CRYBG1: variants seen among roughly 807,000 people sequenced by gnomAD.
The protein encoded by CRYBG1 is beta/gamma crystallin domain-containing protein 1.
A neutral mutation model predicts 189.2 loss-of-function variants in CRYBG1; 139 were observed. That is an observed-to-expected ratio of 0.73 (90% CI 0.64 to 0.85). The LOEUF is 0.85. CRYBG1 is among the 40% of genes least tolerant of loss of function. CRYBG1 has a pLI of 0.00. For missense variants in CRYBG1, 2,611 were observed against 2,675.8 expected, an observed-to-expected ratio of 0.98 and a Z score of 0.53; for synonymous variants, 1,023 against 1,017.1, an observed-to-expected ratio of 1.01 and a Z score of -0.11.
chr6:106,420,556 A>G (rs1379773555), intron 1 of CRYBG1: 4 of 152,210 alleles, frequency 2.6e-5, no homozygotes, highest in Non-Finnish European at 4.4e-5. Context: ...TCAGTTCCCA[A>G]GCTTAACTTC....
At chr6:106,398,280 C>T (rs1174551677) in intron 1 of CRYBG1, among the ~76,000 whole-genome samples, 1 of 151,826 alleles carries the variant, frequency 6.6e-6, no homozygotes, top group East Asian at 1.9e-4. Flanking sequence ...ATTAGGAGTC[C>T]AAGGTGGGAG....
chr6:106,540,064 G>C (rs1180452104), intron 9 of CRYBG1, among the ~76,000 whole-genome samples: 1 of 152,192 alleles, frequency 6.6e-6, no homozygotes, highest in South Asian at 2.1e-4. Flanking sequence ...TGACACGAGT[G>C]GGTGGTGTCT....
At chr6:106,375,807 T>C (rs1770151538) in intron 1 of CRYBG1, among the ~76,000 whole-genome samples, 1 of 152,202 alleles carries the variant, frequency 6.6e-6, no homozygotes, top group Non-Finnish European at 1.5e-5. Flanking sequence ...TGGGTGTACA[T>C]ACCAAGATCC....
At position 106,557,729 on chromosome 6, in the gene CRYBG1, G is replaced by A. The variant is rs181332638; in HGVS notation, c.5716-757G>A. ...ATGACAGGCGTAAGCCACCATGCCC[G>A]GCCTCCCACATGCTTTTTAATGCAT... On this transcript the variant is annotated intron_variant, in intron 17 of 21. Transcript: ENST00000633556. Among the ~76,000 whole-genome samples the A allele has an allele frequency of 4.4e-4, 67 of 152,194 alleles. 1 individual carries two copies. Among genetic ancestry groups the A allele is most frequent in the African/African-American group, 8.9e-4 (37 of 41,528 alleles).
intron 21 of CRYBG1, among the ~76,000 whole-genome samples, chr6:106,565,765 T>C (rs1041531091): frequency 3.9e-5 from 6 of 152,230 alleles, no homozygotes; most frequent in Non-Finnish European, 8.8e-5. Flanking sequence ...TTTGTCAATA[T>C]GTAGACAGGT....
At chr6:106,485,327 T>C (rs1772574433) in intron 2 of CRYBG1, among the ~76,000 whole-genome samples, 1 of 152,240 alleles carries the variant, frequency 6.6e-6, no homozygotes, top group South Asian at 2.1e-4. Flanking sequence ...ATAGAAATGC[T>C]ACTGATTTTT....
At chr6:106,491,044 CAA>C (rs1160640453) in intron 2 of CRYBG1, among the ~76,000 whole-genome samples, 1 of 152,200 alleles carries the variant, frequency 6.6e-6, no homozygotes, top group Non-Finnish European at 1.5e-5. Flanking sequence ...TGTTTAAAAA[CAA>C]AACTACAGGC....
chr6:106,519,734 G>C lies in CRYBG1; in HGVS notation c.2526G>C (p.Val842=). Reference sequence around the variant, plus strand: ...CAGCACAAGACATCCCCACCACTGTGGATACCAAAGATTTACCTCCAACGG... The same window carrying C: ...CAGCACAAGACATCCCCACCACTGTCGATACCAAAGATTTACCTCCAACGG... ...TDTAQDIPTT[V]DTKDLPPTAM... The change falls in exon 4 of 22, where the codon GTG becomes GTC. Residue 842 remains valine, a synonymous_variant. Transcript: ENST00000633556. The C allele has an allele frequency of 1.2e-6, 2 of 1,614,132 alleles. No individual in the cohort carries two copies. The highest frequency in any genetic ancestry group is 1.7e-6 in the Non-Finnish European group (2 of 1,180,032).
At chr6:106,515,246 T>C (rs1434399740) in intron 3 of CRYBG1, among the ~76,000 whole-genome samples, 1 of 152,232 alleles carries the variant, frequency 6.6e-6, no homozygotes, top group Non-Finnish European at 1.5e-5. Flanking sequence ...TATTTTCCCC[T>C]GTCTCATAAT....
At position 106,511,888 on chromosome 6, in the gene CRYBG1, C is replaced by T. The variant is rs1396791985; in HGVS notation, c.771C>T (p.Ser257=). Residue 257 remains serine, a synonymous_variant, in exon 3 of 22, where the codon TCC becomes TCT. Coordinates refer to ENST00000633556, the MANE Select transcript of CRYBG1 (RefSeq NM_001371242.2). ...CCACCACTGCCAAGCAGCTGCATTC[C>T]TCGCCGGGAAATTCCTCCAGGCAAG... ...DATTTAKQLH[S]SPGNSSRQEN... The T allele has an allele frequency of 6.6e-7, 1 of 1,521,202 alleles. No individual in the cohort carries two copies. Among genetic ancestry groups the T allele is most frequent in the South Asian group, 1.2e-5 (1 of 82,734 alleles). 94.2% of individuals were successfully genotyped at this position (1,521,202 alleles called of 1,614,324 possible).
At chr6:106,450,867 G>A (rs1275445304) in intron 1 of CRYBG1, among the ~76,000 whole-genome samples, 1 of 152,170 alleles carries the variant, frequency 6.6e-6, no homozygotes, top group African/African-American at 2.4e-5. Context: ...AGAGAAGCAG[G>A]GCAAAGTATG....
At position 106,511,611 on chromosome 6, in the gene CRYBG1, G is replaced by A. The variant is rs1773257793; in HGVS notation, c.494G>A (p.Ser165Asn). 1 of 1,535,702 alleles carries A rather than the reference G, an allele frequency of 6.5e-7. No individual in the cohort carries two copies. Residue 165 changes from serine to asparagine, a missense_variant, in exon 3 of 22, where the codon AGT becomes AAT. Coordinates refer to ENST00000633556, the MANE Select transcript of CRYBG1 (RefSeq NM_001371242.2). Reference sequence around the variant, plus strand: ...TCTCCTAAGCTCCCAGAGAGAGAGAGTGAGAGGAGCAGATCTCAGAGCAGC... The same window carrying A: ...TCTCCTAAGCTCCCAGAGAGAGAGAATGAGAGGAGCAGATCTCAGAGCAGC... Reference protein sequence around the residue: ...VASPKLPERESERSRSQSSQL... With the variant: ...VASPKLPERENERSRSQSSQL...
chr6:106,469,270 A>G (rs1772179991), intron 2 of CRYBG1, among the ~76,000 whole-genome samples: 1 of 152,236 alleles, frequency 6.6e-6, no homozygotes, highest in Admixed American at 6.5e-5. Context: ...TCACCTCTGT[A>G]GAAAAGCCAC....
chr6:106,463,861 T>C (rs1019417662), intron 2 of CRYBG1, among the ~76,000 whole-genome samples: 5 of 152,248 alleles, frequency 3.3e-5, no homozygotes, highest in African/African-American at 1.2e-4. Context: ...AAATACCAGC[T>C]ACAGAGAGGC....
chr6:106,423,251 G>GTTT lies in CRYBG1; in HGVS notation c.174-28422_174-28420dup, dbSNP rs5878887. Among the ~76,000 whole-genome samples the GTTT allele has an allele frequency of 8.8e-3, 711 of 80,812 alleles. 14 individuals are homozygous for GTTT. The highest frequency in any genetic ancestry group is 9.2e-3 in the Non-Finnish European group (396 of 43,138). 53.0% of individuals were successfully genotyped at this position (80,812 alleles called of 152,430 possible). On this transcript the variant is annotated intron_variant, in intron 1 of 21. Transcript: ENST00000633556. The stretch of plus-strand genomic sequence containing the variant: ...TCAAAGTAAGTGCTAGAGTTGGCTG[G>GTTT]TTTTTTTTTTTTTTTTTTTTTTTCG...
Position 106,520,785 on chromosome 6 carries a change from T to A in CRYBG1, c.3577T>A (p.Ser1193Thr), listed in dbSNP as rs1262305748. ...ATCCAAACTGAGACCCAAACGTGCA[T>A]CTGCTGAACAGAGCGTCCTCTTCAA... Reference protein sequence around the residue: ...TKSKLRPKRASAEQSVLFKSL... With the variant: ...TKSKLRPKRATAEQSVLFKSL... Residue 1193 changes from serine to threonine, a missense_variant, in exon 4 of 22, where the codon TCT (serine) becomes ACT (threonine). By Grantham distance (58) the Ser-to-Thr change is moderately conservative. Coordinates refer to ENST00000633556, the MANE Select transcript of CRYBG1 (RefSeq NM_001371242.2). The A allele has an allele frequency of 1.2e-6, 2 of 1,614,154 alleles. No homozygotes were observed. The highest frequency in any genetic ancestry group is 1.7e-6 in the Non-Finnish European group (2 of 1,180,012).
chr6:106,395,020 A>G lies in CRYBG1; in HGVS notation c.173+33939A>G, dbSNP rs150003806. On this transcript the variant is annotated intron_variant, in intron 1 of 21. Transcript: ENST00000633556. The stretch of plus-strand genomic sequence containing the variant: ...ACAGGCATAAGCCACCACACCTGGA[A>G]ATGTATATATATATATTTTATAAAA... 8.6e-5 allele frequency among the ~76,000 whole-genome samples: 13 copies of G among 151,512 alleles called. 1 individual carries two copies. The East Asian group carries it at 2.5e-3, about 29-fold the overall frequency.
In CRYBG1 at chr6:106,511,908, G is replaced by C. The variant is rs1231161372; in HGVS notation, c.791G>C (p.Arg264Thr). The C allele has an allele frequency of 6.6e-7, 1 of 1,524,760 alleles. No individual in the cohort carries two copies. Among genetic ancestry groups the C allele is most frequent in the East Asian group, 2.5e-5 (1 of 40,720 alleles). The allele number at this position is 1,524,760 out of a possible 1,614,324, so 94.5% of individuals were successfully genotyped here. A position where few individuals can be genotyped will look rare whatever the true frequency, so the allele number is the denominator to read the frequency against. ...CATTCCTCGCCGGGAAATTCCTCCAGGCAAGAGAACGCAGAGACGCCCGCC... is the reference window on the plus strand; with the variant it reads ...CATTCCTCGCCGGGAAATTCCTCCACGCAAGAGAACGCAGAGACGCCCGCC... ...QLHSSPGNSSRQENAETPARS... is the reference protein window; with the variant it reads ...QLHSSPGNSSTQENAETPARS... The change falls in exon 3 of 22, where the codon AGG becomes ACG. Residue 264 changes from arginine to threonine, a missense_variant. Arg to Thr is a moderately conservative substitution (Grantham distance 71, BLOSUM62 -1). Transcript: ENST00000633556.
intron 3 of CRYBG1, among the ~76,000 whole-genome samples, chr6:106,515,221 T>C (rs1389443076): frequency 6.6e-6 from 1 of 152,212 alleles, no homozygotes; most frequent in Non-Finnish European, 1.5e-5. Context: ...AACTATGGCT[T>C]TTTGGACTCC....
Sources: allele counts gnomAD v4.1 joint callset (sites outside exome capture counted in the v4.1 genomes callset), GRCh38; gene constraint gnomAD v4.1.1; transcripts MANE v1.5; gene names NCBI Gene and HGNC (gene_info 2026-07-23, HGNC 2026-07-21).